FAM149B1: variants seen among roughly 807,000 people sequenced by gnomAD.
FAM149B1 encodes the protein primary cilium assembly protein FAM149B1.
A neutral mutation model predicts 75.3 loss-of-function variants in FAM149B1; 56 were observed. The ratio of observed to expected loss-of-function variants is 0.74; its 90% CI spans 0.60 to 0.93. FAM149B1 has a LOEUF of 0.93. Among genes scored for constraint, FAM149B1 ranks in the 40% least tolerant of loss-of-function variants. The probability of loss-of-function intolerance (pLI) is 0.00; values close to 1 mark genes in which losing one functional copy is unlikely to be tolerated. For missense variants in FAM149B1, 639 were observed against 708.4 expected (o/e 0.90, Z 1.11); for synonymous variants, 259 against 256.1 (o/e 1.01, Z -0.11).
intron 9 of FAM149B1, among the ~76,000 whole-genome samples, chr10:73,232,205 C>T (rs2043722359): frequency 6.6e-6 from 1 of 150,606 alleles, no homozygotes; most frequent in Non-Finnish European, 1.5e-5. Context: ...AATGTCCTCT[C>T]ACTTGCTTTA....
intron 1 of FAM149B1, among the ~76,000 whole-genome samples, chr10:73,172,480 G>C (rs957930563): frequency 6.6e-6 from 1 of 152,128 alleles, no homozygotes; most frequent in African/African-American, 2.4e-5. Context: ...CTGTGCCTTA[G>C]TTTCCTTTGA....
chr10:73,236,952 G>A (rs1178816652), intron 12 of FAM149B1, among the ~76,000 whole-genome samples: 1 of 150,922 alleles, frequency 6.6e-6, no homozygotes, highest in Non-Finnish European at 1.5e-5. Context: ...AGGTTCAAGT[G>A]ATCCTCCCAC....
chr10:73,234,538 C>T (rs933846545), intron 10 of FAM149B1: 1 of 352,934 alleles, frequency 2.8e-6, no homozygotes, highest in Admixed American at 4.4e-5. Flanking sequence ...AAGTGCAATA[C>T]CAGATAGGGA....
intron 3 of FAM149B1, among the ~76,000 whole-genome samples, chr10:73,178,180 C>A (rs1385372618): frequency 6.6e-6 from 1 of 152,122 alleles, no homozygotes; most frequent in African/African-American, 2.4e-5. Flanking sequence ...CTTAGACATG[C>A]TTAGTGTTCA....
chr10:73,210,604 C>T (rs561445056), intron 7 of FAM149B1, among the ~76,000 whole-genome samples, 166 bp downstream of exon 7: 1 of 152,264 alleles, frequency 6.6e-6, no homozygotes, highest in African/African-American at 2.4e-5. Flanking sequence ...GGAAGGATCT[C>T]TTGAGCCCAG....
chr10:73,193,706 AG>A (rs2133337665), intron 5 of FAM149B1, 113 bp downstream of exon 5: 1 of 1,011,692 alleles, frequency 9.9e-7, no homozygotes, highest in East Asian at 2.7e-5. Flanking sequence ...TATTTAGTAA[AG>A]CATAGCAAAT....
chr10:73,200,487 A>G (rs1210513320), intron 5 of FAM149B1: 8 of 622,586 alleles, frequency 1.3e-5, no homozygotes, highest in Non-Finnish European at 2.1e-5. Context: ...TTGGTACACC[A>G]GGGAGAATGT....
At chr10:73,175,955 G>A (rs1198777458) in intron 2 of FAM149B1, among the ~76,000 whole-genome samples, 1 of 152,080 alleles carries the variant, frequency 6.6e-6, no homozygotes, top group Non-Finnish European at 1.5e-5. Context: ...ACTGTGCAGT[G>A]GGGTGAGGGA....
At chr10:73,176,984 G>A (rs548483379) in intron 2 of FAM149B1, among the ~76,000 whole-genome samples, 12 of 151,254 alleles carry the variant, frequency 7.9e-5, no homozygotes, top group African/African-American at 2.4e-4. Context: ...CCGAGATCAC[G>A]CCACTGCACT....
chr10:73,205,037 T>C (rs1215385370), intron 5 of FAM149B1, among the ~76,000 whole-genome samples: 1 of 136,236 alleles, frequency 7.3e-6, no homozygotes. Flanking sequence ...ATGGTCTCAA[T>C]CTCCTGACCT....
At chr10:73,189,188 A>C (rs912024883) in intron 3 of FAM149B1, among the ~76,000 whole-genome samples, 2 of 152,238 alleles carry the variant, frequency 1.3e-5, no homozygotes, top group African/African-American at 4.8e-5. Context: ...AAAACTGGGA[A>C]GATAACACCA....
At chr10:73,175,488 T>C (rs1256999394) in intron 2 of FAM149B1, among the ~76,000 whole-genome samples, 2 of 151,666 alleles carry the variant, frequency 1.3e-5, no homozygotes, top group East Asian at 3.9e-4. Context: ...GCTAACACGG[T>C]GAAACCCCGT....
chr10:73,178,220 G>A (rs1446349628), intron 3 of FAM149B1, among the ~76,000 whole-genome samples: 1 of 152,184 alleles, frequency 6.6e-6, no homozygotes, highest in Non-Finnish European at 1.5e-5. Flanking sequence ...GGCCGGGCAC[G>A]GTGGCTCACG....
Position 73,189,256 on chromosome 10 carries a change from TGGATGTGGAGCA to T in FAM149B1, c.283-3297_283-3286del, listed in dbSNP as rs545129610. Among the ~76,000 whole-genome samples, 348 of 152,302 alleles carry T rather than the reference TGGATGTGGAGCA, an allele frequency of 2.3e-3. 1 individual carries two copies. The highest frequency in any genetic ancestry group is 2.7e-3 in the Non-Finnish European group (185 of 68,016). On this transcript the variant is annotated intron_variant, in intron 3 of 13. Transcript: ENST00000242505. Reference sequence around the variant, plus strand: ...AGACTGACAATACCTAGTACTGGAATGGATGTGGAGCAGGTTTAATGCTCACACATTTCTGGT... The same window carrying T: ...AGACTGACAATACCTAGTACTGGAATGGTTTAATGCTCACACATTTCTGGT...
intron 1 of FAM149B1, among the ~76,000 whole-genome samples, chr10:73,173,677 C>T (rs1325238328): frequency 1.3e-5 from 2 of 152,198 alleles, no homozygotes; most frequent in Non-Finnish European, 2.9e-5. Flanking sequence ...CTACTGTTGA[C>T]TGGAAGCCTT....
chr10:73,174,612 T>C, intron 1 of FAM149B1, 75 bp from the exon 2 acceptor site: 1 of 1,102,672 alleles, frequency 9.1e-7, no homozygotes, highest in Non-Finnish European at 1.3e-6. Context: ...AGTAGGTGAC[T>C]AACTTCTAGA....
At chr10:73,185,765 A>T (rs936189935) in intron 3 of FAM149B1, among the ~76,000 whole-genome samples, 6 of 152,220 alleles carry the variant, frequency 3.9e-5, no homozygotes, top group Non-Finnish European at 8.8e-5. Context: ...GATTCTAAGG[A>T]ATAGAAGGAA....
At chr10:73,195,224 G>A (rs1182519778) in intron 5 of FAM149B1, among the ~76,000 whole-genome samples, 1 of 152,066 alleles carries the variant, frequency 6.6e-6, no homozygotes, top group African/African-American at 2.4e-5. Flanking sequence ...GCCTCCTTGG[G>A]CTTGTGGTAG....
rs763325414 is a variant in FAM149B1, at chr10:73,235,215, G to A, written c.1499G>A (p.Arg500Gln). 1.0e-5 allele frequency: 16 copies of A among 1,551,594 alleles called. No individual in the cohort carries two copies. The highest frequency in any genetic ancestry group is 1.7e-4 in the Middle Eastern group (1 of 5,988). ...CAGAAACCCCATGGCGACTCTAGTC[G>A]AGCTCAAAGTGCGGTGGTGGATGAA... ...RQMKPHGDSS[R>Q]AQSAVVDEPN... Residue 500 changes from arginine (R) to glutamine (Q), a missense_variant, in exon 12 of 14, where the codon CGA (arginine) becomes CAA (glutamine). Physicochemically the swap from Arg to Gln is conservative, Grantham distance 43. Coordinates refer to ENST00000242505, the MANE Select transcript of FAM149B1 (RefSeq NM_173348.2).
Sources: allele counts gnomAD v4.1 joint callset (sites outside exome capture counted in the v4.1 genomes callset), GRCh38; gene constraint gnomAD v4.1.1; transcripts MANE v1.5; gene names NCBI Gene and HGNC (gene_info 2026-07-23, HGNC 2026-07-21).